NCALD: variants seen among roughly 807,000 people sequenced by gnomAD.
NCALD encodes neurocalcin-delta.
A neutral mutation model predicts 18.6 loss-of-function variants in NCALD; 10 were observed. The observed-to-expected ratio is 0.54, with a 90% CI of 0.33 to 0.91. The LOEUF (loss-of-function observed/expected upper bound fraction) is 0.91, where lower values mean the gene tolerates loss of function less well. Ranked by LOEUF, NCALD falls within the 40% of genes least tolerant of loss-of-function variation. The pLI, the probability that NCALD is intolerant of heterozygous loss-of-function variation, is 0.03. For synonymous variants in NCALD, 88 were observed against 87.4 expected, an observed-to-expected ratio of 1.01 and a Z score of -0.04; for missense variants, 184 against 247.6, an observed-to-expected ratio of 0.74 and a Z score of 1.72.
chr8:101,908,008 A>G (rs571212496), intron 3 of NCALD, among the ~76,000 whole-genome samples: 3 of 152,278 alleles, frequency 2.0e-5, no homozygotes, highest in Admixed American at 6.5e-5. Context: ...TCCTCTGGCA[A>G]TTTTAACTAC....
chr8:102,036,126 AAAATAAATAAAT>A (rs1554583477), intron 1 of NCALD, among the ~76,000 whole-genome samples: 1 of 148,880 alleles, frequency 6.7e-6, no homozygotes. Flanking sequence ...CATCTCTACA[AAAATAAATAAAT>A]AAATAAATTA....
At chr8:101,943,977 A>T (rs1482447968) in intron 2 of NCALD, among the ~76,000 whole-genome samples, 5 of 99,028 alleles carry the variant, frequency 5.0e-5, no homozygotes, top group Non-Finnish European at 1.2e-4. Flanking sequence ...CAAACAAACA[A>T]ACAAAAAAAA....
chr8:101,775,249 T>C (rs1811744982), intron 1 of NCALD, among the ~76,000 whole-genome samples: 1 of 152,188 alleles, frequency 6.6e-6, no homozygotes, highest in African/African-American at 2.4e-5. Context: ...CCTAACATAG[T>C]GCCTGTATTC....
intron 1 of NCALD, among the ~76,000 whole-genome samples, chr8:102,045,481 T>C (rs1227331805): frequency 1.3e-5 from 2 of 152,258 alleles, no homozygotes; most frequent in Admixed American, 6.5e-5. Flanking sequence ...ATTTTCCAAA[T>C]AAAAAATAAT....
At chr8:101,872,691 T>C (rs1312141825) in intron 4 of NCALD, 2 of 334,756 alleles carry the variant, frequency 6.0e-6, no homozygotes, top group East Asian at 1.3e-4. Context: ...CTAAGTTCCT[T>C]CTCTTTCTTA....
intron 1 of NCALD, among the ~76,000 whole-genome samples, chr8:102,025,734 C>A (rs186164043): frequency 7.7e-4 from 118 of 152,276 alleles, no homozygotes; most frequent in South Asian, 4.8e-3. Flanking sequence ...GCATGTGGAT[C>A]CTTAAGTATA....
intron 1 of NCALD, among the ~76,000 whole-genome samples, chr8:102,022,525 G>C (rs750073247): frequency 1.3e-5 from 2 of 152,030 alleles, no homozygotes; most frequent in Non-Finnish European, 2.9e-5. Flanking sequence ...AAAATGTAGG[G>C]GGATTCTGTT....
chr8:101,989,328 T>C (rs1015864012), intron 2 of NCALD, among the ~76,000 whole-genome samples: 1 of 152,194 alleles, frequency 6.6e-6, no homozygotes, highest in African/African-American at 2.4e-5. Flanking sequence ...TGGCAATGTG[T>C]ATCCAGAGCC....
upstream of NCALD, among the ~76,000 whole-genome samples, chr8:101,791,672 A>G (rs929627047): frequency 2.6e-5 from 4 of 152,180 alleles, no homozygotes; most frequent in Non-Finnish European, 1.5e-5. Context: ...ATGTCTAGGT[A>G]AAAATGAGGA....
At chr8:101,866,985 C>A (rs1254715476) in intron 4 of NCALD, among the ~76,000 whole-genome samples, 2 of 152,166 alleles carry the variant, frequency 1.3e-5, no homozygotes, top group Non-Finnish European at 2.9e-5. Flanking sequence ...TGGCTCCCTT[C>A]TCTGCTCTGA....
At chr8:101,960,450 A>G (rs1819795805) in intron 2 of NCALD, among the ~76,000 whole-genome samples, 1 of 152,200 alleles carries the variant, frequency 6.6e-6, no homozygotes, top group African/African-American at 2.4e-5. Context: ...TTCATTTAAC[A>G]TGATGGCATT....
intron 2 of NCALD, among the ~76,000 whole-genome samples, chr8:101,992,816 T>C (rs538381168): frequency 9.2e-5 from 14 of 152,056 alleles, no homozygotes; most frequent in African/African-American, 3.1e-4. Context: ...TCACTCAACA[T>C]TTACTATTCT....
At chr8:101,856,432 C>G (rs6982111) in intron 4 of NCALD, among the ~76,000 whole-genome samples, 1 of 152,262 alleles carries the variant, frequency 6.6e-6, no homozygotes, top group South Asian at 2.1e-4. Context: ...CTTGGCTTCT[C>G]AAAGTGCAAA....
At chr8:101,741,953 AG>A (rs1810210063) in intron 1 of NCALD, among the ~76,000 whole-genome samples, 15 of 79,156 alleles carry the variant, frequency 1.9e-4, no homozygotes, top group East Asian at 3.9e-4. Flanking sequence ...AAAAAAAAAA[AG>A]AAAAGAAAAA....
At chr8:101,804,502 T>A (rs1470139039) in intron 4 of NCALD, among the ~76,000 whole-genome samples, 1 of 115,402 alleles carries the variant, frequency 8.7e-6, no homozygotes, top group Non-Finnish European at 1.6e-5. Flanking sequence ...TTAATATAAT[T>A]AATTATATAA....
At chr8:102,107,004 G>GA (rs1053667510) in intron 1 of NCALD, among the ~76,000 whole-genome samples, 19 of 151,362 alleles carry the variant, frequency 1.3e-4, no homozygotes, top group Admixed American at 8.6e-4. Flanking sequence ...CCCCTTCTGT[G>GA]AAAACCACAT....
At position 101,938,108 on chromosome 8, in the gene NCALD, T is replaced by C. The variant is rs939189949; in HGVS notation, c.-156-22250A>G. On this transcript the variant is annotated intron_variant, in intron 2 of 6. Transcript: ENST00000311028. ...ACTGCTTCTCTCTCTTTCCAAAAATTCCGATAAACCTTCTGCTTAATAATC... is the reference window on the plus strand; with the variant it reads ...ACTGCTTCTCTCTCTTTCCAAAAATCCCGATAAACCTTCTGCTTAATAATC... Among the ~76,000 whole-genome samples the C allele has an allele frequency of 7.9e-5, 12 of 152,132 alleles. 1 individual carries two copies. In the South Asian group the frequency reaches 2.5e-3, roughly 32 times the overall value.
chr8:101,889,538 T>C (rs1438546935), intron 3 of NCALD, among the ~76,000 whole-genome samples: 2 of 152,194 alleles, frequency 1.3e-5, no homozygotes, highest in Admixed American at 6.5e-5. Flanking sequence ...TCTCAACAAA[T>C]AGCTTATTTA....
chr8:101,928,016 C>T (rs925474190), intron 2 of NCALD, among the ~76,000 whole-genome samples: 6 of 152,154 alleles, frequency 3.9e-5, no homozygotes, highest in African/African-American at 1.4e-4. Context: ...GTGCTAAACT[C>T]TTGCAACATT....
Sources: allele counts gnomAD v4.1 joint callset (sites outside exome capture counted in the v4.1 genomes callset), GRCh38; gene constraint gnomAD v4.1.1; transcripts MANE v1.5; gene names NCBI Gene and HGNC (gene_info 2026-07-23, HGNC 2026-07-21).